DOCK6: variants seen among roughly 807,000 people sequenced by gnomAD.
DOCK6 encodes dedicator of cytokinesis protein 6.
In DOCK6, 167 loss-of-function variants were observed where a neutral mutation model predicts 230.3. The ratio of observed to expected loss-of-function variants is 0.73; its 90% CI spans 0.64 to 0.82. The LOEUF (loss-of-function observed/expected upper bound fraction) is 0.82, where lower values mean the gene tolerates loss of function less well. Among genes scored for constraint, DOCK6 ranks in the 40% least tolerant of loss-of-function variants. The pLI, the probability that DOCK6 is intolerant of heterozygous loss-of-function variation, is 0.00. For missense variants in DOCK6, 2,598 were observed against 2,825.8 expected (o/e 0.92, Z 1.83); for synonymous variants, 1,148 against 1,185.0 (o/e 0.97, Z 0.64).
At position 11,259,707 on chromosome 19, in the gene DOCK6, G is replaced by A. The variant is rs181901095; in HGVS notation, c.44+2690C>T. On this transcript the variant is annotated intron_variant, in intron 1 of 47. Transcript: ENST00000294618. ...CGAGTAGCTGGGATTACAGGCGTGC[G>A]TCACCACGCTTTTGTAAATTTGTAA... 1.5e-3 allele frequency among the ~76,000 whole-genome samples: 224 copies of A among 148,964 alleles called. 1 individual carries two copies. Among genetic ancestry groups the A allele is most frequent in the African/African-American group, 5.3e-3 (215 of 40,684 alleles).
chr19:11,248,712 T>G (rs2080073288), intron 6 of DOCK6, among the ~76,000 whole-genome samples: 1 of 152,200 alleles, frequency 6.6e-6, no homozygotes, highest in African/African-American at 2.4e-5. Context: ...ATGGCACTAC[T>G]CTGTCTGGGT....
At chr19:11,246,590 T>G (rs2080038893) in intron 7 of DOCK6, among the ~76,000 whole-genome samples, 1 of 152,024 alleles carries the variant, frequency 6.6e-6, no homozygotes, top group Admixed American at 6.6e-5. Flanking sequence ...TCCCCCTCCC[T>G]ACACCCTCAG....
intron 14 of DOCK6, chr19:11,239,521 C>T (rs1297031257): frequency 7.9e-7 from 1 of 1,272,966 alleles, no homozygotes; most frequent in Non-Finnish European, 1.1e-6. Context: ...ACTGCCAGGC[C>T]CTTGTGCAAT....
At chr19:11,253,773 G>T in intron 1 of DOCK6, 47 bp from the exon 2 acceptor site, 1 of 1,286,406 alleles carries the variant, frequency 7.8e-7, no homozygotes, top group Non-Finnish European at 1.1e-6. Context: ...AACTCAGGCA[G>T]CGGAGCGGAC....
chr19:11,230,168 G>A (rs1843410802), intron 22 of DOCK6, among the ~76,000 whole-genome samples: 2 of 151,656 alleles, frequency 1.3e-5, no homozygotes, highest in South Asian at 4.2e-4. Flanking sequence ...GTGAAACCCC[G>A]TCTCTACTAA....
At chr19:11,206,403 TGAAC>T (rs1286734883) in intron 39 of DOCK6, 2 of 145,676 alleles carry the variant, frequency 1.4e-5, no homozygotes, top group Non-Finnish European at 3.0e-5. Flanking sequence ...AAAAAAAAAA[TGAAC>T]GAAGAAAAAA....
In DOCK6 at chr19:11,202,793, A is replaced by C; in HGVS notation, c.5236-84T>G. 4 of 1,598,172 alleles carry C rather than the reference A, an allele frequency of 2.5e-6. No homozygotes were observed. The highest frequency in any genetic ancestry group is 1.3e-5 in the African/African-American group (1 of 74,972). On this transcript the variant is annotated intron_variant, in intron 41 of 47. Transcript: ENST00000294618. The surrounding 1 kb of genome is among the most constrained non-coding windows in gnomAD (Gnocchi z 5.3). ...CCCAGAGATAGGTGTCTCGAATATC[A>C]GGATGGGAGTGTGAGGACCCCGAGA...
intron 1 of DOCK6, among the ~76,000 whole-genome samples, chr19:11,260,513 G>A (rs1463773867): frequency 6.6e-6 from 1 of 151,542 alleles, no homozygotes; most frequent in East Asian, 1.9e-4. Flanking sequence ...CCGGGAGATT[G>A]AGACTGCAGT....
intron 20 of DOCK6, 115 bp from the exon 21 acceptor site, chr19:11,235,874 C>CA: frequency 1.1e-6 from 1 of 924,362 alleles, no homozygotes; most frequent in Non-Finnish European, 1.5e-6. Flanking sequence ...TAAGGGGTCA[C>CA]AAATTTTTTT....
At position 11,200,350 on chromosome 19, in the gene DOCK6, TG is replaced by T; in HGVS notation, c.6058del (p.Gln2020SerfsTer6). On this transcript the variant is annotated frameshift_variant, in exon 47 of 48. Coordinates refer to ENST00000294618, the MANE Select transcript of DOCK6 (RefSeq NM_020812.4). LOFTEE classifies it high-confidence loss of function. This position sits in a 1 kb window ranked among gnomAD's most constrained non-coding sequence, Gnocchi z 4.3. ...GGGTGCCATCAGCTGGGGCAGGCGC[TG>T]GGTAAGCAGGGGCTGCAGAGCCTCC... Reference protein sequence around the residue: ...LREALQPLLTQRLPQLMAPTP... With the variant: ...LREALQPLLTXRLPQLMAPTP... 6.3e-7 allele frequency: 1 copy of T among 1,580,876 alleles called. No individual in the cohort carries two copies. Among genetic ancestry groups the T allele is most frequent in the Non-Finnish European group, 8.6e-7 (1 of 1,163,724 alleles).
At chr19:11,244,899 T>C (rs1236270099) in intron 9 of DOCK6, among the ~76,000 whole-genome samples, 2 of 152,214 alleles carry the variant, frequency 1.3e-5, no homozygotes, top group Non-Finnish European at 2.9e-5. Context: ...TGGCCTTCCC[T>C]ACATTTTTCT....
In DOCK6 at chr19:11,241,416, G is replaced by A. The variant is rs756254735; in HGVS notation, c.1643+629C>T. 1.5e-5 allele frequency: 22 copies of A among 1,463,714 alleles called. No homozygotes were observed. The South Asian group carries it at 1.6e-4, about 11-fold the overall frequency. The allele number at this position is 1,463,714 out of a possible 1,614,324, so 90.7% of individuals were successfully genotyped here. ...GGGGATGGGAGGTGAGGTGGCTGTCGGCTGAGGTTTCCATTCTGACCCCCA... is the reference window on the plus strand; with the variant it reads ...GGGGATGGGAGGTGAGGTGGCTGTCAGCTGAGGTTTCCATTCTGACCCCCA... On this transcript the variant is annotated intron_variant, in intron 14 of 47. Transcript: ENST00000294618.
chr19:11,208,847 G>A lies in DOCK6; in HGVS notation c.4945-18C>T, dbSNP rs957248286. On this transcript the variant is annotated intron_variant, in intron 38 of 47. Coordinates refer to ENST00000294618, the MANE Select transcript of DOCK6 (RefSeq NM_020812.4). ...GAGATGTTCTGGGGTGGGAGAGGTGGCGTCAGACCCTGGTCCCCACTGCAC... is the reference window on the plus strand; with the variant it reads ...GAGATGTTCTGGGGTGGGAGAGGTGACGTCAGACCCTGGTCCCCACTGCAC... The A allele has an allele frequency of 6.2e-7, 1 of 1,608,464 alleles. No individual in the cohort carries two copies. The highest frequency in any genetic ancestry group is 8.5e-7 in the Non-Finnish European group (1 of 1,175,408).
At chr19:11,250,254 A>C (rs4804580) in intron 6 of DOCK6, among the ~76,000 whole-genome samples, 92,299 of 150,344 alleles carry the variant, frequency 0.61, 31,509 homozygotes, top group Middle Eastern at 0.79. Flanking sequence ...CAGGTGATCC[A>C]CCCGCCTCAG....
At position 11,216,940 on chromosome 19, in the gene DOCK6, G is replaced by A. The variant is rs185451867; in HGVS notation, c.3868C>T (p.Leu1290Phe). 4.3e-6 allele frequency: 7 copies of A among 1,613,748 alleles called. No individual in the cohort carries two copies. The highest frequency in any genetic ancestry group is 4.2e-6 in the Non-Finnish European group (5 of 1,179,888). ...TTGTACTCAAAGGCAGCTAGGCAAA[G>A]GTACAGCAAATCCAACAGACGTCCC... is the stretch of plus-strand genomic sequence containing the variant. ...QLGRLLDLLY[L>F]CLAAFEYKGK... The change falls in exon 30 of 48, where the codon CTT becomes TTT. Residue 1290 changes from leucine to phenylalanine, a missense_variant. Physicochemically the swap from Leu to Phe is conservative, Grantham distance 22 (BLOSUM62 0). Coordinates refer to ENST00000294618, the MANE Select transcript of DOCK6 (RefSeq NM_020812.4).
intron 1 of DOCK6, among the ~76,000 whole-genome samples, chr19:11,261,037 C>A (rs1256744485): frequency 6.6e-6 from 1 of 151,836 alleles, no homozygotes; most frequent in Non-Finnish European, 1.5e-5. Flanking sequence ...ATAAAAATTG[C>A]CCAGCCATTA....
Position 11,253,745 on chromosome 19 carries a change from G to A in DOCK6, c.45-19C>T. 1 of 1,458,614 alleles carries A rather than the reference G, an allele frequency of 6.9e-7. No individual in the cohort carries two copies. The highest frequency in any genetic ancestry group is 9.0e-7 in the Non-Finnish European group (1 of 1,105,810). 90.4% of individuals were successfully genotyped at this position (1,458,614 alleles called of 1,614,324 possible). On this transcript the variant is annotated intron_variant, in intron 1 of 47. Coordinates refer to ENST00000294618, the MANE Select transcript of DOCK6 (RefSeq NM_020812.4). ...CACCGTCCTGGAAAGATAGGGAGGG[G>A]GCCATTGGGGACGGGAAAACTCAGG...
intron 1 of DOCK6, among the ~76,000 whole-genome samples, chr19:11,260,680 C>G (rs1177181165): frequency 2.7e-5 from 4 of 150,854 alleles, no homozygotes; most frequent in Non-Finnish European, 5.9e-5. Flanking sequence ...GTCAGGAGTT[C>G]GTGACCAGCC....
chr19:11,243,021 G>A lies in DOCK6; in HGVS notation c.1480+38C>T, dbSNP rs1311280394. 4 of 1,608,964 alleles carry A rather than the reference G, an allele frequency of 2.5e-6. No individual in the cohort carries two copies. Among genetic ancestry groups the A allele is most frequent in the Non-Finnish European group, 3.4e-6 (4 of 1,177,444 alleles). On this transcript the variant is annotated intron_variant, in intron 13 of 47. Transcript: ENST00000294618. The surrounding 1 kb of genome is among the most constrained non-coding windows in gnomAD (Gnocchi z 6.3). Reference sequence around the variant, plus strand: ...GTGTAGGTTTGTTGAGTGGCTGAGTGAGAGTGATACTTCTTGTGTATGGGG... The same window carrying A: ...GTGTAGGTTTGTTGAGTGGCTGAGTAAGAGTGATACTTCTTGTGTATGGGG...
Sources: allele counts gnomAD v4.1 joint callset (sites outside exome capture counted in the v4.1 genomes callset), GRCh38; gene constraint gnomAD v4.1.1; non-coding constraint Gnocchi (gnomAD v3.1); transcripts MANE v1.5; gene names NCBI Gene and HGNC (gene_info 2026-07-23, HGNC 2026-07-21).